Variants in CPNE4 observed in about 807,000 individuals in gnomAD.
CPNE4 encodes copine 4.
A neutral mutation model predicts 67.9 loss-of-function variants in CPNE4; 25 were observed. The ratio of observed to expected loss-of-function variants is 0.37; its 90% CI spans 0.27 to 0.51. The LOEUF (loss-of-function observed/expected upper bound fraction) is 0.51. CPNE4 is among the 20% of genes least tolerant of loss of function. The pLI is 0.93. For synonymous variants in CPNE4, 242 were observed against 244.9 expected, an observed-to-expected ratio of 0.99 and a Z score of 0.11; for missense variants, 464 against 690.8, an observed-to-expected ratio of 0.67 and a Z score of 3.68.
chr3:131,996,429 C>A (rs2073294225), intron 1 of CPNE4, among the ~76,000 whole-genome samples: 1 of 151,056 alleles, frequency 6.6e-6, no homozygotes, highest in South Asian at 2.1e-4. Flanking sequence ...ACAGTGAAGG[C>A]AGAGAAAGAT....
intron 15 of CPNE4, among the ~76,000 whole-genome samples, chr3:131,540,494 C>T (rs1236655208): frequency 3.9e-5 from 6 of 152,220 alleles, no homozygotes; most frequent in Non-Finnish European, 8.8e-5. Context: ...GGCTCTCACA[C>T]TAGGACTGGT....
chr3:131,560,327 C>G (rs1936694123), intron 11 of CPNE4, among the ~76,000 whole-genome samples: 1 of 152,034 alleles, frequency 6.6e-6, no homozygotes, highest in Non-Finnish European at 1.5e-5. Flanking sequence ...CTAACTGTCA[C>G]CAGTTCCCCA....
At chr3:131,751,572 G>A (rs1488008133) in intron 2 of CPNE4, among the ~76,000 whole-genome samples, 1 of 151,870 alleles carries the variant, frequency 6.6e-6, no homozygotes, top group Non-Finnish European at 1.5e-5. Flanking sequence ...GCTCTTTGAA[G>A]CACTTTAATT....
chr3:131,652,082 T>G (rs1582959546), intron 7 of CPNE4, among the ~76,000 whole-genome samples: 1 of 152,358 alleles, frequency 6.6e-6, no homozygotes, highest in East Asian at 1.9e-4. Context: ...AATAAATGGC[T>G]GATGAAATCA....
chr3:131,876,887 G>A (rs1003752396), intron 2 of CPNE4, among the ~76,000 whole-genome samples: 2 of 152,036 alleles, frequency 1.3e-5, no homozygotes, highest in East Asian at 3.9e-4. Flanking sequence ...ACCAGCACAG[G>A]GAATTATCTA....
chr3:132,024,946 C>G (rs546221181), intron 1 of CPNE4, among the ~76,000 whole-genome samples: 1 of 152,212 alleles, frequency 6.6e-6, no homozygotes, highest in East Asian at 1.9e-4. Context: ...CACTGGTTCC[C>G]AAAGTGTGGT....
At chr3:131,659,337 A>G (rs1002363301) in intron 7 of CPNE4, among the ~76,000 whole-genome samples, 1 of 151,926 alleles carries the variant, frequency 6.6e-6, no homozygotes, top group African/African-American at 2.4e-5. Context: ...GTTTTCCCCA[A>G]GTATCTTCCC....
chr3:131,910,099 T>C (rs1033856679), intron 1 of CPNE4, among the ~76,000 whole-genome samples: 6 of 152,126 alleles, frequency 3.9e-5, no homozygotes, highest in Non-Finnish European at 7.4e-5. Flanking sequence ...TGCTGCTCAC[T>C]TCTATTCCTC....
chr3:131,621,584 T>C (rs1015528789), intron 7 of CPNE4, among the ~76,000 whole-genome samples: 1 of 152,086 alleles, frequency 6.6e-6, no homozygotes, highest in African/African-American at 2.4e-5. Flanking sequence ...TCAGATATCC[T>C]CTAGGCCATT....
chr3:131,653,085 AC>A (rs1215951476), intron 7 of CPNE4, among the ~76,000 whole-genome samples: 1 of 151,450 alleles, frequency 6.6e-6, no homozygotes, highest in Admixed American at 6.6e-5. Flanking sequence ...GTGATCTGGT[AC>A]CAAGTTCTGG....
At chr3:131,964,176 C>T (rs1482987968) in intron 1 of CPNE4, among the ~76,000 whole-genome samples, 2 of 152,104 alleles carry the variant, frequency 1.3e-5, no homozygotes, top group African/African-American at 2.4e-5. Context: ...ATAATATCAA[C>T]ATCAACAAAA....
At chr3:131,790,976 A>G (rs2083704264) in intron 2 of CPNE4, among the ~76,000 whole-genome samples, 1 of 152,194 alleles carries the variant, frequency 6.6e-6, no homozygotes, top group Non-Finnish European at 1.5e-5. Flanking sequence ...TCAAAGTGTT[A>G]AAGATTTTTG....
chr3:131,747,213 C>T (rs2082513282), intron 2 of CPNE4, among the ~76,000 whole-genome samples: 2 of 150,496 alleles, frequency 1.3e-5, no homozygotes, highest in Non-Finnish European at 3.0e-5. Context: ...CAACTATTTT[C>T]TCCCATTCTA....
At chr3:131,632,629 T>C (rs1183274993) in intron 7 of CPNE4, among the ~76,000 whole-genome samples, 5 of 152,156 alleles carry the variant, frequency 3.3e-5, no homozygotes, top group Non-Finnish European at 4.4e-5. Context: ...GACATAAGAC[T>C]ATCCTGTTTT....
intron 8 of CPNE4, among the ~76,000 whole-genome samples, chr3:131,586,794 G>C (rs917300277): frequency 1.4e-4 from 22 of 152,110 alleles, no homozygotes; most frequent in African/African-American, 5.1e-4. Context: ...TGATATGAAA[G>C]TGTGTGTATC....
chr3:131,707,655 C>G (rs1434803944), intron 3 of CPNE4, among the ~76,000 whole-genome samples: 3 of 152,178 alleles, frequency 2.0e-5, no homozygotes, highest in African/African-American at 7.2e-5. Context: ...ACTCTCCTGT[C>G]TCTGATAAAT....
At chr3:131,622,035 A>AAAAAG (rs1559998454) in intron 7 of CPNE4, among the ~76,000 whole-genome samples, 5 of 151,294 alleles carry the variant, frequency 3.3e-5, no homozygotes, top group African/African-American at 1.2e-4. Flanking sequence ...AAAAAAAAAA[A>AAAAAG]AAAAGAAAAG....
At chr3:131,857,443 G>T (rs9838144) in intron 2 of CPNE4, among the ~76,000 whole-genome samples, 1 of 151,794 alleles carries the variant, frequency 6.6e-6, no homozygotes, top group Non-Finnish European at 1.5e-5. Context: ...CCCTAGGGTT[G>T]GTAAATGTTT....
intron 2 of CPNE4, among the ~76,000 whole-genome samples, chr3:131,859,572 C>A (rs2086590381): frequency 6.6e-6 from 1 of 152,170 alleles, no homozygotes; most frequent in African/African-American, 2.4e-5. Context: ...CCAGGCCACA[C>A]TCCAGGCCAA....
Sources: gnomAD v4.1 joint callset for allele counts (sites outside exome capture counted in the v4.1 genomes callset) on GRCh38, gnomAD v4.1.1 for gene constraint, MANE v1.5 for transcripts, NCBI Gene and HGNC (gene_info 2026-07-23, HGNC 2026-07-21) for gene names.